The following RBFOX2 variants were observed in gnomAD, a reference collection of about 807,000 sequenced individuals.
RBFOX2 encodes RNA binding fox-1 homolog 2.
In RBFOX2, 10 loss-of-function variants were observed where a neutral mutation model predicts 49.1. That is an observed-to-expected ratio of 0.20 (90% CI 0.13 to 0.35). The LOEUF (loss-of-function observed/expected upper bound fraction) is 0.35. Ranked by LOEUF, RBFOX2 falls within the 10% of genes least tolerant of loss-of-function variation. RBFOX2 has a pLI of 1.00. For synonymous variants in RBFOX2, 183 were observed against 187.4 expected, an observed-to-expected ratio of 0.98 and a Z score of 0.19; for missense variants, 323 against 486.9, an observed-to-expected ratio of 0.66 and a Z score of 3.17.
intron 1 of RBFOX2, among the ~76,000 whole-genome samples, chr22:35,851,214 C>T (rs1423873984): frequency 6.6e-6 from 1 of 152,152 alleles, no homozygotes; most frequent in African/African-American, 2.4e-5. Context: ...TAAACATTTA[C>T]CTGAACTCAG....
chr22:35,786,199 G>T (rs1946354890), intron 2 of RBFOX2, among the ~76,000 whole-genome samples: 3 of 152,212 alleles, frequency 2.0e-5, no homozygotes, highest in African/African-American at 7.2e-5. Context: ...TGCCCAAGGT[G>T]CTTATCTGTA....
intron 8 of RBFOX2, among the ~76,000 whole-genome samples, chr22:35,760,895 A>G (rs1487941332): frequency 6.6e-6 from 1 of 152,210 alleles, no homozygotes. Flanking sequence ...CGCAGAGGAA[A>G]TGTATAATAT....
At chr22:35,854,987 T>TC (rs1261577973) in intron 1 of RBFOX2, among the ~76,000 whole-genome samples, 3 of 152,190 alleles carry the variant, frequency 2.0e-5, no homozygotes, top group Non-Finnish European at 4.4e-5. Context: ...TAATGTAGCC[T>TC]CAGTTATTAA....
exon 12 of RBFOX2, chr22:35,742,180 G>A (rs1337927567): frequency 6.6e-6 from 1 of 152,120 alleles, no homozygotes; most frequent in African/African-American, 2.4e-5. Flanking sequence ...CTTAAAAATG[G>A]CCAGTGGACT....
At chr22:35,745,365 T>G (rs1313471332) in intron 11 of RBFOX2, among the ~76,000 whole-genome samples, 1 of 152,152 alleles carries the variant, frequency 6.6e-6, no homozygotes, top group East Asian at 1.9e-4. Context: ...TTCTATGGAC[T>G]TCTTCGATAC....
rs556152485 is a variant in RBFOX2, at chr22:35,875,227, C to T, written c.-34+63620G>A. ...CTAAGATAATGAGCATTAAAGTCTT[C>T]CGGCATTCAAAAGGAAAAGAAACAG... is the stretch of plus-strand genomic sequence containing the variant. On this transcript the variant is annotated intron_variant, in intron 1 of 13. Coordinates refer to the RBFOX2 transcript ENST00000359369. 1.1e-3 allele frequency among the ~76,000 whole-genome samples: 163 copies of T among 152,166 alleles called. 2 individuals are homozygous for T. Among genetic ancestry groups the T allele is most frequent in the Admixed American group, 4.6e-3 (70 of 15,284 alleles).
intron 1 of RBFOX2, among the ~76,000 whole-genome samples, chr22:35,883,162 ATG>A (rs2046139033): frequency 6.6e-6 from 1 of 152,204 alleles, no homozygotes; most frequent in African/African-American, 2.4e-5. Context: ...GAAAGGTGGC[ATG>A]TGTTAGCTCC....
In RBFOX2 at chr22:35,744,163, T is replaced by C. The variant is rs766867880; in HGVS notation, c.*32A>G. The C allele has an allele frequency of 2.5e-6, 4 of 1,587,550 alleles. No homozygotes were observed. In the South Asian group the frequency reaches 3.4e-5, roughly 14 times the overall value. On this transcript the variant is annotated 3_prime_UTR_variant, in exon 12 of 12. Transcript: ENST00000405409. ...TAAATATTGCAATAGCCAGGCCTCA[T>C]GAACTGGGGGGCTGTCCCATTTGCA...
intron 1 of RBFOX2, among the ~76,000 whole-genome samples, chr22:35,973,280 T>C (rs1396183906): frequency 2.6e-5 from 4 of 152,194 alleles, no homozygotes; most frequent in Non-Finnish European, 5.9e-5. Context: ...CTAATAAATC[T>C]GAAGATTATA....
intron 1 of RBFOX2, among the ~76,000 whole-genome samples, chr22:35,865,134 CATGGATGG>C (rs892912559): frequency 1.3e-5 from 2 of 151,986 alleles, no homozygotes; most frequent in Non-Finnish European, 2.9e-5. Flanking sequence ...ATACTACATA[CATGGATGG>C]ATGGATGGAT....
intron 1 of RBFOX2, among the ~76,000 whole-genome samples, chr22:35,917,499 G>C (rs2050562482): frequency 6.6e-6 from 1 of 152,172 alleles, no homozygotes; most frequent in Non-Finnish European, 1.5e-5. Context: ...ATTATAGCAG[G>C]CATAGAGTTG....
At chr22:35,808,026 C>T (rs1951090165) in intron 2 of RBFOX2, among the ~76,000 whole-genome samples, 1 of 151,496 alleles carries the variant, frequency 6.6e-6, no homozygotes, top group Non-Finnish European at 1.5e-5. Flanking sequence ...TAACAAGAAA[C>T]AGAGAATAAA....
At chr22:35,916,716 T>C (rs114856312) in intron 1 of RBFOX2, among the ~76,000 whole-genome samples, 4,467 of 151,932 alleles carry the variant, frequency 0.029, 213 homozygotes, top group African/African-American at 0.1. Flanking sequence ...GCCATCATGA[T>C]GAAACCGTCT....
chr22:36,022,196 T>A (rs1303025112), intron 1 of RBFOX2, among the ~76,000 whole-genome samples: 1 of 152,226 alleles, frequency 6.6e-6, no homozygotes, highest in African/African-American at 2.4e-5. Context: ...ACTGAAGGCC[T>A]GAGAGATGTT....
chr22:35,984,604 T>C (rs1056193222), intron 1 of RBFOX2, among the ~76,000 whole-genome samples: 5 of 152,208 alleles, frequency 3.3e-5, no homozygotes, highest in Non-Finnish European at 5.9e-5. Context: ...GAAAAAGCTA[T>C]ACTGAAGTTG....
At chr22:35,955,222 T>TA (rs1399631974) in intron 1 of RBFOX2, among the ~76,000 whole-genome samples, 2 of 152,228 alleles carry the variant, frequency 1.3e-5, no homozygotes, top group African/African-American at 4.8e-5. Context: ...GATTTCAGAA[T>TA]ACCTTAACAC....
chr22:35,840,199 A>G, exon 1 of RBFOX2: 1 of 1,614,114 alleles, frequency 6.2e-7, no homozygotes, highest in Non-Finnish European at 8.5e-7. Flanking sequence ...TACCTGAGTT[A>G]CCATTTTCTT....
intron 1 of RBFOX2, among the ~76,000 whole-genome samples, chr22:35,836,158 C>T (rs1957618791): frequency 6.6e-6 from 1 of 152,116 alleles, no homozygotes; most frequent in African/African-American, 2.4e-5. Context: ...CACTTTAAAG[C>T]AGTGCCACAA....
rs191332568 is a variant in RBFOX2, at chr22:35,854,154, G to C, written c.-33-44150C>G. Among the ~76,000 whole-genome samples the C allele has an allele frequency of 4.9e-3, 742 of 152,276 alleles. 5 individuals are homozygous for C. Among genetic ancestry groups the C allele is most frequent in the Non-Finnish European group, 8.0e-3 (542 of 68,010 alleles). ...TTGAATCTGGGAGGCGGAGGTTGCA[G>C]TGAGCCGAGACTGTGCCACTGCACT... On this transcript the variant is annotated intron_variant, in intron 1 of 13. Coordinates refer to the RBFOX2 transcript ENST00000359369.
Sources: gnomAD v4.1 joint callset for allele counts (sites outside exome capture counted in the v4.1 genomes callset) on GRCh38, gnomAD v4.1.1 for gene constraint, MANE v1.5 for transcripts, NCBI Gene and HGNC (gene_info 2026-07-23, HGNC 2026-07-21) for gene names.